NRXN1: variants seen among roughly 807,000 people sequenced by gnomAD.
The protein encoded by NRXN1 is neurexin 1.
NRXN1 carries 39 observed loss-of-function variants against 150.9 expected under a neutral mutation model. The observed-to-expected ratio is 0.26, with a 90% CI of 0.20 to 0.34. The LOEUF (loss-of-function observed/expected upper bound fraction) is 0.34. Ranked by LOEUF, NRXN1 falls within the 10% of genes least tolerant of loss-of-function variation. The pLI, the probability that NRXN1 is intolerant of heterozygous loss-of-function variation, is 1.00. For synonymous variants in NRXN1, 924 were observed against 757.0 expected, an observed-to-expected ratio of 1.22 and a Z score of -3.62; for missense variants, 1,815 against 1,949.9, an observed-to-expected ratio of 0.93 and a Z score of 1.30.
intron 17 of NRXN1, among the ~76,000 whole-genome samples, chr2:50,384,282 G>A (rs1047809190): frequency 2.0e-5 from 3 of 151,958 alleles, no homozygotes; most frequent in South Asian, 2.1e-4. Context: ...TGAGGCAGGC[G>A]GATCACGAGG....
chr2:50,303,494 C>A (rs564647620), intron 17 of NRXN1, among the ~76,000 whole-genome samples: 1 of 152,262 alleles, frequency 6.6e-6, no homozygotes, highest in South Asian at 2.1e-4. Flanking sequence ...AAGTCATTAT[C>A]ATGCATTACT....
intron 18 of NRXN1, among the ~76,000 whole-genome samples, chr2:50,096,096 T>C (rs939343064): frequency 2.0e-5 from 3 of 151,926 alleles, no homozygotes; most frequent in Admixed American, 6.6e-5. Context: ...ATTTAAACTC[T>C]AGAGTTAGCT....
intron 5 of NRXN1, among the ~76,000 whole-genome samples, chr2:50,850,634 G>A (rs555661998): frequency 4.6e-5 from 7 of 152,010 alleles, no homozygotes; most frequent in African/African-American, 1.2e-4. Flanking sequence ...TTTAAACTCT[G>A]TTTTTTGATG....
At chr2:50,349,371 T>C (rs1575179003) in intron 17 of NRXN1, among the ~76,000 whole-genome samples, 1 of 152,350 alleles carries the variant, frequency 6.6e-6, no homozygotes, top group East Asian at 1.9e-4. Flanking sequence ...TTGCAACATA[T>C]GTATTTTAAT....
intron 2 of NRXN1, among the ~76,000 whole-genome samples, chr2:50,954,316 G>C (rs1200661710): frequency 6.6e-6 from 1 of 152,144 alleles, no homozygotes; most frequent in Non-Finnish European, 1.5e-5. Flanking sequence ...TTCTTTTGAA[G>C]GGATGGCGTT....
At chr2:50,574,313 A>T (rs1305187322) in intron 8 of NRXN1, among the ~76,000 whole-genome samples, 1 of 152,196 alleles carries the variant, frequency 6.6e-6, no homozygotes, top group Non-Finnish European at 1.5e-5. Flanking sequence ...GGATGTCGCT[A>T]AAAATTGGCT....
intron 17 of NRXN1, among the ~76,000 whole-genome samples, chr2:50,266,075 T>G (rs2068828980): frequency 6.7e-6 from 1 of 149,718 alleles, no homozygotes; most frequent in Admixed American, 6.7e-5. Flanking sequence ...CTTGGCTCAC[T>G]GCAACTTCTG....
At position 50,350,207 on chromosome 2, in the gene NRXN1, T is replaced by G. The variant is rs1218326689; in HGVS notation, c.3365-113237A>C. Among the ~76,000 whole-genome samples, 4 of 152,176 alleles carry G rather than the reference T, an allele frequency of 2.6e-5. No individual in the cohort carries two copies. The East Asian group carries it at 5.8e-4, about 22-fold the overall frequency. On this transcript the variant is annotated intron_variant, in intron 17 of 22. Coordinates refer to ENST00000401669, the MANE Select transcript of NRXN1 (RefSeq NM_001330078.2). Reference sequence around the variant, plus strand: ...ACCTTCCTTAATACATAATGTTGATTCATCAACATTGAACTCATGACCAGC... The same window carrying G: ...ACCTTCCTTAATACATAATGTTGATGCATCAACATTGAACTCATGACCAGC...
chr2:50,796,475 C>A (rs922965141), intron 5 of NRXN1, among the ~76,000 whole-genome samples: 2 of 152,062 alleles, frequency 1.3e-5, no homozygotes, highest in Non-Finnish European at 2.9e-5. Flanking sequence ...TCTACTTCAC[C>A]ACTCCCACCC....
intron 17 of NRXN1, among the ~76,000 whole-genome samples, chr2:50,364,723 G>T (rs1446190026): frequency 6.6e-6 from 1 of 152,102 alleles, no homozygotes; most frequent in Non-Finnish European, 1.5e-5. Flanking sequence ...AAGAGTAAAG[G>T]TGGGTCTTTT....
chr2:50,643,856 A>C (rs1684415298), intron 5 of NRXN1, among the ~76,000 whole-genome samples: 1 of 151,788 alleles, frequency 6.6e-6, no homozygotes, highest in Admixed American at 6.6e-5. Flanking sequence ...TTTCTCAAAA[A>C]ATTTAGGCTT....
At chr2:50,897,890 T>C (rs896461323) in intron 5 of NRXN1, among the ~76,000 whole-genome samples, 9 of 152,224 alleles carry the variant, frequency 5.9e-5, no homozygotes, top group South Asian at 4.1e-4. Context: ...AAATGGGTTC[T>C]ATTTACTGTA....
At chr2:50,589,984 G>A (rs2103787988) in intron 8 of NRXN1, among the ~76,000 whole-genome samples, 1 of 152,296 alleles carries the variant, frequency 6.6e-6, no homozygotes, top group Admixed American at 6.5e-5. Context: ...TTTTTCATAA[G>A]TATCTGAATG....
At chr2:50,651,593 G>C (rs1388837501) in intron 5 of NRXN1, among the ~76,000 whole-genome samples, 1 of 151,964 alleles carries the variant, frequency 6.6e-6, no homozygotes, top group Non-Finnish European at 1.5e-5. Flanking sequence ...AGGAGATGGA[G>C]GCTGCAGCGA....
intron 2 of NRXN1, among the ~76,000 whole-genome samples, chr2:50,974,680 T>A (rs955180552): frequency 6.6e-6 from 1 of 151,662 alleles, no homozygotes; most frequent in Non-Finnish European, 1.5e-5. Context: ...TCCCTATCTG[T>A]TTTTTTTCCC....
At chr2:50,355,498 C>G (rs1015217519) in intron 17 of NRXN1, among the ~76,000 whole-genome samples, 2 of 152,064 alleles carry the variant, frequency 1.3e-5, no homozygotes, top group African/African-American at 4.8e-5. Context: ...TCCCCACAAA[C>G]ACCCCAGGCT....
At position 50,236,845 on chromosome 2, in the gene NRXN1, C is replaced by T. The variant is rs201881725; in HGVS notation, c.3490G>A (p.Val1164Ile). 59 of 1,613,172 alleles carry T rather than the reference C, an allele frequency of 3.7e-5. No homozygotes were observed. The highest frequency in any genetic ancestry group is 3.3e-4 in the Middle Eastern group (2 of 6,080). ...GAAGAACTGTCCACTCGCACCAATA[C>T]GGCTTCTTTCTGAACAGTGCTAAAA... ...IGFSTVQKEA[V>I]LVRVDSSSGL... Residue 1164 changes from valine to isoleucine, a missense_variant, in exon 18 of 23, where the codon GTA becomes ATA. Val to Ile is a conservative substitution (Grantham distance 29, BLOSUM62 3). This residue lies in a region of NRXN1 where 339 missense variants were observed against 440.3 expected (regional missense o/e 0.77). Transcript: ENST00000401669.
intron 17 of NRXN1, among the ~76,000 whole-genome samples, chr2:50,338,316 C>G (rs1214647579): frequency 6.6e-6 from 1 of 152,062 alleles, no homozygotes; most frequent in Non-Finnish European, 1.5e-5. Context: ...AATATGGAAT[C>G]TAGAAAATGA....
At chr2:50,698,518 C>A (rs561880654) in intron 5 of NRXN1, among the ~76,000 whole-genome samples, 1 of 152,170 alleles carries the variant, frequency 6.6e-6, no homozygotes, top group Non-Finnish European at 1.5e-5. Context: ...ATGCAACATG[C>A]AATGTGGTGG....
Sources: gnomAD v4.1 joint callset for allele counts (sites outside exome capture counted in the v4.1 genomes callset) on GRCh38, gnomAD v4.1.1 for gene constraint, gnomAD v4.1.1 regional missense constraint, MANE v1.5 for transcripts, NCBI Gene and HGNC (gene_info 2026-07-23, HGNC 2026-07-21) for gene names.